The following TECRL variants were observed in gnomAD, a reference collection of about 807,000 sequenced individuals.
The protein encoded by TECRL is trans-2,3-enoyl-CoA reductase like.
In TECRL, 63 loss-of-function variants were observed where a neutral mutation model predicts 52.8. That is an observed-to-expected ratio of 1.19 (90% CI 0.97 to 1.47). TECRL has a LOEUF of 1.47. Ranked by LOEUF, TECRL falls within the 40% of genes most tolerant of loss-of-function variation. The pLI is 0.00. For synonymous variants in TECRL, 164 were observed against 141.9 expected (o/e 1.16, Z -1.10); for missense variants, 482 against 429.6 (o/e 1.12, Z -1.08).
chr4:64,280,193 A>T lies in TECRL; in HGVS notation c.971T>A (p.Ile324Asn), dbSNP rs949730672. ...TVMTQTLPVG[I>N]FTLLMSIQMS... is the part of the protein sequence containing the mutation. ...CTGGATACTCATCAGAAGTGTAAAA[A>T]TTCCAACTAGAAGAAAAAAGAAATA... Residue 324 changes from isoleucine to asparagine, a missense_variant, in exon 12 of 12, where the codon ATT becomes AAT. Ile to Asn is a moderately radical substitution (Grantham distance 149). Transcript: ENST00000381210. 2 of 1,513,286 alleles carry T rather than the reference A, an allele frequency of 1.3e-6. No individual in the cohort carries two copies. Among genetic ancestry groups the T allele is most frequent in the Non-Finnish European group, 1.8e-6 (2 of 1,132,664 alleles). 93.7% of individuals were successfully genotyped at this position (1,513,286 alleles called of 1,614,324 possible). A position where few individuals can be genotyped will look rare whatever the true frequency, so the allele number is the denominator to read the frequency against.
intron 2 of TECRL, among the ~76,000 whole-genome samples, chr4:64,364,356 A>T (rs1721445819): frequency 6.6e-6 from 1 of 152,116 alleles, no homozygotes; most frequent in Non-Finnish European, 1.5e-5. Context: ...ACATCTAGAG[A>T]AAAGTAGTAG....
At chr4:64,393,346 A>C (rs997531144) in intron 1 of TECRL, among the ~76,000 whole-genome samples, 12 of 152,024 alleles carry the variant, frequency 7.9e-5, no homozygotes, top group Non-Finnish European at 1.5e-5. Context: ...TTCCAAATCC[A>C]AATGTGATTT....
At chr4:64,285,460 A>G (rs1723033760) in intron 9 of TECRL, among the ~76,000 whole-genome samples, 1 of 152,128 alleles carries the variant, frequency 6.6e-6, no homozygotes, top group African/African-American at 2.4e-5. Context: ...TTGTACAATC[A>G]ATATTAAATG....
intron 2 of TECRL, among the ~76,000 whole-genome samples, chr4:64,368,127 T>C (rs1448093594): frequency 6.6e-6 from 1 of 152,142 alleles, no homozygotes; most frequent in African/African-American, 2.4e-5. Flanking sequence ...TCTTAGAATG[T>C]CCACTTGTGT....
intron 1 of TECRL, among the ~76,000 whole-genome samples, chr4:64,408,222 C>T (rs1312870292): frequency 1.3e-5 from 2 of 151,562 alleles, no homozygotes; most frequent in Admixed American, 6.6e-5. Context: ...TTTCTAAAGA[C>T]CTAGCTAGAA....
chr4:64,350,430 G>T (rs373986452), intron 2 of TECRL, among the ~76,000 whole-genome samples: 3 of 152,126 alleles, frequency 2.0e-5, no homozygotes, highest in African/African-American at 7.2e-5. Context: ...TGATGAATTG[G>T]CTGGGTGACA....
At chr4:64,328,945 A>T (rs1325900520) in intron 2 of TECRL, among the ~76,000 whole-genome samples, 1 of 151,990 alleles carries the variant, frequency 6.6e-6, no homozygotes, top group Non-Finnish European at 1.5e-5. Flanking sequence ...TTTCAAATTC[A>T]TCTAATATTT....
At chr4:64,339,854 T>C (rs1171010764) in intron 2 of TECRL, among the ~76,000 whole-genome samples, 1 of 152,200 alleles carries the variant, frequency 6.6e-6, no homozygotes, top group Non-Finnish European at 1.5e-5. Context: ...ATTATTCTAC[T>C]ATTTTCACGA....
intron 9 of TECRL, among the ~76,000 whole-genome samples, chr4:64,283,059 C>G (rs2109928977): frequency 6.6e-6 from 1 of 152,058 alleles, no homozygotes; most frequent in East Asian, 1.9e-4. Context: ...TTGGAAGAAA[C>G]CTCACCCAAG....
chr4:64,394,467 G>A (rs1284367119), intron 1 of TECRL, among the ~76,000 whole-genome samples: 1 of 152,140 alleles, frequency 6.6e-6, no homozygotes, highest in Non-Finnish European at 1.5e-5. Flanking sequence ...AGAAAAGGCA[G>A]CCAAAGGTAC....
chr4:64,408,881 CAG>C (rs1724906940), intron 1 of TECRL, among the ~76,000 whole-genome samples: 1 of 152,060 alleles, frequency 6.6e-6, no homozygotes, highest in African/African-American at 2.4e-5. Context: ...AGACCAATGA[CAG>C]AACCTCATTA....
At chr4:64,378,609 ATAAG>A (rs1254737543) in intron 1 of TECRL, among the ~76,000 whole-genome samples, 2 of 152,138 alleles carry the variant, frequency 1.3e-5, no homozygotes, top group Non-Finnish European at 2.9e-5. Flanking sequence ...TATTTTACTA[ATAAG>A]TAACCTTCAG....
chr4:64,305,024 A>G (rs1724245672), intron 7 of TECRL, 142 bp downstream of exon 7: 1 of 571,260 alleles, frequency 1.8e-6, no homozygotes, highest in Non-Finnish European at 3.0e-6. Flanking sequence ...AGGCCTACAT[A>G]AACATTTAAA....
At chr4:64,326,712 T>C (rs1193371191) in intron 3 of TECRL, among the ~76,000 whole-genome samples, 1 of 152,032 alleles carries the variant, frequency 6.6e-6, no homozygotes, top group Non-Finnish European at 1.5e-5. Flanking sequence ...CATGAACCTA[T>C]CCAAGTTCAG....
chr4:64,355,003 A>G (rs1371147749), intron 2 of TECRL, among the ~76,000 whole-genome samples: 1 of 152,190 alleles, frequency 6.6e-6, no homozygotes, highest in Non-Finnish European at 1.5e-5. Context: ...AGTGGAAGTG[A>G]ATATTTCAGG....
At chr4:64,382,211 AT>A (rs1483884317) in intron 1 of TECRL, among the ~76,000 whole-genome samples, 6,974 of 138,666 alleles carry the variant, frequency 0.05, 472 homozygotes, top group African/African-American at 0.12. Flanking sequence ...ATATATATAT[AT>A]ATATATATAT....
At position 64,317,852 on chromosome 4, in the gene TECRL, G is replaced by A. The variant is rs183908219; in HGVS notation, c.436-3089C>T. ...AAAATGTTGAAATGGGGGATCCAGA[G>A]AAGAGATTGAACCTTGCATAAGAAG... On this transcript the variant is annotated intron_variant, in intron 4 of 11. Coordinates refer to ENST00000381210, the MANE Select transcript of TECRL (RefSeq NM_001010874.5). Among the ~76,000 whole-genome samples, 513 of 152,236 alleles carry A rather than the reference G, an allele frequency of 3.4e-3. 2 individuals carry two copies. Among genetic ancestry groups the A allele is most frequent in the Middle Eastern group, 0.014 (4 of 294 alleles).
At position 64,322,346 on chromosome 4, in the gene TECRL, G is replaced by C. The variant is rs568434888; in HGVS notation, c.435+343C>G. ...GAAGCCTTCTTCCTTGGCAATACTT[G>C]TCATCACCATCATTGGCTTTCTGTG... On this transcript the variant is annotated intron_variant, in intron 4 of 11. Transcript: ENST00000381210. Among the ~76,000 whole-genome samples, 11 of 150,294 alleles carry C rather than the reference G, an allele frequency of 7.3e-5. No individual in the cohort carries two copies. The South Asian group carries it at 2.3e-3, about 32-fold the overall frequency.
intron 1 of TECRL, among the ~76,000 whole-genome samples, chr4:64,408,634 AAT>A (rs1724889544): frequency 6.6e-6 from 1 of 152,048 alleles, no homozygotes; most frequent in African/African-American, 2.4e-5. Flanking sequence ...TAATAAAATC[AAT>A]TCAAAATAAT....
Sources: gnomAD v4.1 joint callset for allele counts (sites outside exome capture counted in the v4.1 genomes callset) on GRCh38, gnomAD v4.1.1 for gene constraint, MANE v1.5 for transcripts, NCBI Gene and HGNC (gene_info 2026-07-23, HGNC 2026-07-21) for gene names.